The following DSCAM variants were observed in gnomAD, a reference collection of about 807,000 sequenced individuals.
DSCAM encodes the protein DS cell adhesion molecule.
DSCAM carries 47 observed loss-of-function variants against 217.7 expected under a neutral mutation model. The ratio of observed to expected loss-of-function variants is 0.22; its 90% CI spans 0.17 to 0.28. DSCAM has a LOEUF of 0.28. Among genes scored for constraint, DSCAM ranks in the 10% least tolerant of loss-of-function variants. The probability of loss-of-function intolerance (pLI) is 1.00; values close to 1 mark genes in which losing one functional copy is unlikely to be tolerated. For synonymous variants in DSCAM, 1,056 were observed against 1,015.3 expected, an observed-to-expected ratio of 1.04 and a Z score of -0.76; for missense variants, 2,080 against 2,618.3, an observed-to-expected ratio of 0.79 and a Z score of 4.49.
intron 26 of DSCAM, 142 bp from the exon 27 acceptor site, chr21:40,075,355 G>T: frequency 1.1e-6 from 1 of 892,196 alleles, no homozygotes; most frequent in Non-Finnish European, 1.7e-6. Context: ...CTGTCTCTAG[G>T]CCCTGGCTAA....
At chr21:40,520,895 C>A (rs1007029541) in intron 3 of DSCAM, among the ~76,000 whole-genome samples, 1 of 152,142 alleles carries the variant, frequency 6.6e-6, no homozygotes, top group Non-Finnish European at 1.5e-5. Flanking sequence ...TGAGTTAGCA[C>A]ATGAGAATTG....
intron 3 of DSCAM, among the ~76,000 whole-genome samples, chr21:40,669,171 C>G (rs990601281): frequency 6.6e-6 from 1 of 152,070 alleles, no homozygotes; most frequent in East Asian, 1.9e-4. Flanking sequence ...AGACCCTAGA[C>G]GAATCTCTCC....
At chr21:40,079,122 CCT>C in intron 25 of DSCAM, 145 bp from the exon 26 acceptor site, 3 of 853,312 alleles carry the variant, frequency 3.5e-6, no homozygotes, top group East Asian at 2.7e-5. Context: ...CAACTTGTCC[CCT>C]GTTAATAGAG....
At chr21:40,494,423 A>G (rs1197860543) in intron 3 of DSCAM, among the ~76,000 whole-genome samples, 1 of 152,168 alleles carries the variant, frequency 6.6e-6, no homozygotes, top group Non-Finnish European at 1.5e-5. Flanking sequence ...ATGAAACTAG[A>G]AATCAATAAC....
intron 20 of DSCAM, among the ~76,000 whole-genome samples, chr21:40,122,380 T>TA (rs1484925979): frequency 6.6e-6 from 1 of 152,210 alleles, no homozygotes; most frequent in African/African-American, 2.4e-5. Flanking sequence ...TCTAGCCTGT[T>TA]AGAGTCAAAA....
chr21:40,622,942 C>G (rs2837755), intron 3 of DSCAM, among the ~76,000 whole-genome samples: 123,870 of 151,904 alleles, frequency 0.82, 51,286 homozygotes, highest in Non-Finnish European at 0.89. Flanking sequence ...ACCTAATAAA[C>G]AAACATCACA....
At chr21:40,705,214 T>C (rs1020438419) in intron 2 of DSCAM, among the ~76,000 whole-genome samples, 1 of 152,220 alleles carries the variant, frequency 6.6e-6, no homozygotes. Context: ...AACATCTTTG[T>C]TGCTTCCATG....
intron 3 of DSCAM, among the ~76,000 whole-genome samples, chr21:40,452,854 T>G (rs2075731560): frequency 6.6e-6 from 1 of 152,162 alleles, no homozygotes; most frequent in African/African-American, 2.4e-5. Context: ...AATAGGGAAA[T>G]CTGTAAAATT....
rs146044526 is a variant in DSCAM at position 40,136,835 on chromosome 21, G to C, written c.3407-2826C>G. ...AGACAGAATGAGGAAGAGGAGCCTG[G>C]TGGGGAGGGAGAAGGACAACCTGGC... is the stretch of plus-strand genomic sequence containing the variant. On this transcript the variant is annotated intron_variant, in intron 18 of 32. Transcript: ENST00000400454. 1.0e-3 allele frequency among the ~76,000 whole-genome samples: 156 copies of C among 152,242 alleles called. 1 individual carries two copies. The East Asian group carries it at 0.016, about 16-fold the overall frequency.
In DSCAM at chr21:40,287,646, A is replaced by G. The variant is rs374498289; in HGVS notation, c.2182+8409T>C. Among the ~76,000 whole-genome samples, 31 of 152,316 alleles carry G rather than the reference A, an allele frequency of 2.0e-4. No individual in the cohort carries two copies. The South Asian group carries it at 6.0e-3, about 30-fold the overall frequency. On this transcript the variant is annotated intron_variant, in intron 10 of 32. Transcript: ENST00000400454. ...GTTTTATTTCTATGAATCTCTCAAC[A>G]AAAGAATCAAGTTCCTGTTGCCCCC...
At chr21:40,449,090 C>T (rs1445344138) in intron 3 of DSCAM, among the ~76,000 whole-genome samples, 1 of 152,098 alleles carries the variant, frequency 6.6e-6, no homozygotes, top group African/African-American at 2.4e-5. Context: ...AGTTCAGCAC[C>T]ATAGACTCTC....
At chr21:40,645,050 C>T (rs1407658531) in intron 3 of DSCAM, among the ~76,000 whole-genome samples, 2 of 152,210 alleles carry the variant, frequency 1.3e-5, no homozygotes, top group East Asian at 3.8e-4. Flanking sequence ...GAAGCATACA[C>T]ATACCGGGGG....
chr21:40,518,205 T>C (rs1298661046), intron 3 of DSCAM, among the ~76,000 whole-genome samples: 1 of 145,414 alleles, frequency 6.9e-6, no homozygotes, highest in Non-Finnish European at 1.5e-5. Context: ...CAATGGACCC[T>C]TGAGTTCTGA....
chr21:40,064,915 T>C (rs780920597), intron 27 of DSCAM, among the ~76,000 whole-genome samples: 1 of 152,108 alleles, frequency 6.6e-6, no homozygotes, highest in Non-Finnish European at 1.5e-5. Context: ...GTGTGGGTGC[T>C]GTGAACTAGC....
chr21:40,663,270 G>T (rs868731532), intron 3 of DSCAM, among the ~76,000 whole-genome samples: 4,437 of 134,370 alleles, frequency 0.033, 209 homozygotes, highest in African/African-American at 0.1. Flanking sequence ...GTGTGTGTGG[G>T]GGGGGTGTAT....
At chr21:40,455,889 A>T (rs1196294984) in intron 3 of DSCAM, among the ~76,000 whole-genome samples, 1 of 152,186 alleles carries the variant, frequency 6.6e-6, no homozygotes, top group Non-Finnish European at 1.5e-5. Flanking sequence ...AGGGAGAGAG[A>T]CAGGGAAGAA....
At position 40,344,638 on chromosome 21, in the gene DSCAM, C is replaced by T. The variant is rs190690504; in HGVS notation, c.1210+3032G>A. ...CCAAAATATCCGATGAATCATCTAC[C>T]ATTTGTTATTGATGTCCTCATTATG... On this transcript the variant is annotated intron_variant, in intron 6 of 32. Transcript: ENST00000400454. Among the ~76,000 whole-genome samples the T allele has an allele frequency of 7.9e-5, 12 of 152,258 alleles. No homozygotes were observed. The East Asian group carries it at 2.3e-3, about 29-fold the overall frequency.
At chr21:40,384,493 G>C (rs750961100) in intron 3 of DSCAM, 1 of 152,804 alleles carries the variant, frequency 6.5e-6, no homozygotes, top group Non-Finnish European at 1.5e-5. Context: ...TGTAATCCCA[G>C]CTACTCGGGA....
intron 3 of DSCAM, among the ~76,000 whole-genome samples, chr21:40,500,945 G>A (rs567661376): frequency 1.3e-5 from 2 of 151,632 alleles, no homozygotes; most frequent in African/African-American, 4.8e-5. Flanking sequence ...GAGGCAATAT[G>A]GTAGGTATGC....
Sources: allele counts gnomAD v4.1 joint callset (sites outside exome capture counted in the v4.1 genomes callset), GRCh38; gene constraint gnomAD v4.1.1; transcripts MANE v1.5; gene names NCBI Gene and HGNC (gene_info 2026-07-23, HGNC 2026-07-21).